Variants in TNIK observed in about 807,000 individuals in gnomAD.
TNIK encodes TRAF2 and NCK-interacting protein kinase.
A neutral mutation model predicts 191.3 loss-of-function variants in TNIK; 49 were observed. The observed-to-expected ratio is 0.26, with a 90% CI of 0.20 to 0.32. The LOEUF (loss-of-function observed/expected upper bound fraction) is 0.32, where lower values mean the gene tolerates loss of function less well. Among genes scored for constraint, TNIK ranks in the 10% least tolerant of loss-of-function variants. The pLI is 1.00. For missense variants in TNIK, 1,155 were observed against 1,702.3 expected (o/e 0.68, Z 5.66); for synonymous variants, 594 against 600.9 (o/e 0.99, Z 0.17).
chr3:171,260,918 A>G (rs1289835825), intron 2 of TNIK, among the ~76,000 whole-genome samples: 11 of 152,216 alleles, frequency 7.2e-5, no homozygotes, highest in Non-Finnish European at 2.9e-5. Context: ...TTACCGAAAT[A>G]TTGCAAATTT....
intron 15 of TNIK, among the ~76,000 whole-genome samples, chr3:171,134,200 T>C (rs576468139): frequency 6.6e-6 from 1 of 152,352 alleles, no homozygotes; most frequent in African/African-American, 2.4e-5. Flanking sequence ...ATCATACTGA[T>C]ATTTTCACAG....
intron 18 of TNIK, among the ~76,000 whole-genome samples, chr3:171,118,961 C>A (rs1727217447): frequency 6.6e-6 from 1 of 152,182 alleles, no homozygotes; most frequent in African/African-American, 2.4e-5. Flanking sequence ...AACTAAAGAG[C>A]TTCTGCACAG....
At chr3:171,137,542 C>A (rs1291572439) in intron 15 of TNIK, among the ~76,000 whole-genome samples, 1 of 152,144 alleles carries the variant, frequency 6.6e-6, no homozygotes, top group East Asian at 1.9e-4. Context: ...CTGGCTATCA[C>A]CCTTTTTTCC....
chr3:171,273,297 T>A (rs1028504527), intron 2 of TNIK, among the ~76,000 whole-genome samples: 1 of 152,224 alleles, frequency 6.6e-6, no homozygotes, highest in African/African-American at 2.4e-5. Flanking sequence ...AGCCATAGTC[T>A]TGGGCCATGG....
chr3:171,250,480 T>G (rs975143321), intron 2 of TNIK, among the ~76,000 whole-genome samples: 1 of 152,152 alleles, frequency 6.6e-6, no homozygotes, highest in Non-Finnish European at 1.5e-5. Context: ...CTGATAGACT[T>G]AAAAAATTAG....
chr3:171,336,778 T>C (rs897740210), intron 2 of TNIK, among the ~76,000 whole-genome samples: 22 of 152,306 alleles, frequency 1.4e-4, no homozygotes, highest in Non-Finnish European at 2.4e-4. Context: ...CCAGTTCCAA[T>C]TGTGATACCA....
chr3:171,316,340 C>T (rs1303399863), intron 2 of TNIK, among the ~76,000 whole-genome samples: 1 of 151,902 alleles, frequency 6.6e-6, no homozygotes, highest in Non-Finnish European at 1.5e-5. Context: ...ACACAATAGG[C>T]CAACAAGGAG....
Position 171,128,600 on chromosome 3 carries a change from A to T in TNIK, c.1773+114T>A, listed in dbSNP as rs1576904082. The T allele has an allele frequency of 4.6e-6, 6 of 1,294,020 alleles. No individual in the cohort carries two copies. In the East Asian group the frequency reaches 1.3e-4, roughly 27 times the overall value. 80.2% of individuals were successfully genotyped at this position (1,294,020 alleles called of 1,614,324 possible). A position where few individuals can be genotyped will look rare whatever the true frequency, so the allele number is the denominator to read the frequency against. On this transcript the variant is annotated intron_variant, in intron 16 of 32. Coordinates refer to ENST00000436636, the MANE Select transcript of TNIK (RefSeq NM_015028.4). ...CTATTTTACTATAAATTCTATATTA[A>T]GGGTCATAATTTGATCCTGTGCCTG...
rs375114607 is a variant in TNIK at position 171,177,354 on chromosome 3, G to A, written c.666C>T (p.Thr222=). The change falls in exon 8 of 33, where the codon ACC becomes ACT. Residue 222 remains threonine (T), a synonymous_variant. Coordinates refer to ENST00000436636, the MANE Select transcript of TNIK (RefSeq NM_015028.4). ...GAGCACCTTCTGCCATTTCAATGGC[G>A]GTGATACCCAAAGACCACAAGTCAC... ...FKSDLWSLGI[T]AIEMAEGAPP... 3.5e-5 allele frequency: 57 copies of A among 1,607,204 alleles called. No individual in the cohort carries two copies. The highest frequency in any genetic ancestry group is 1.8e-4 in the East Asian group (8 of 44,714).
At chr3:171,227,690 TTAGA>T (rs1743119294) in intron 3 of TNIK, among the ~76,000 whole-genome samples, 1 of 152,164 alleles carries the variant, frequency 6.6e-6, no homozygotes. Context: ...GGGAAAGATA[TTAGA>T]TATTTAGGGA....
chr3:171,179,590 T>C (rs1159757347), intron 7 of TNIK, among the ~76,000 whole-genome samples: 1 of 152,146 alleles, frequency 6.6e-6, no homozygotes, highest in Admixed American at 6.5e-5. Context: ...TAGCTGGGAC[T>C]ACAGGTGCCT....
At chr3:171,068,799 G>T in intron 30 of TNIK, 49 bp downstream of exon 30, 1 of 1,536,198 alleles carries the variant, frequency 6.5e-7, no homozygotes, top group Non-Finnish European at 8.8e-7. Context: ...CTTTCTACAT[G>T]CAGGCTGTTG....
At chr3:171,107,241 CAGA>C (rs1725041600) in intron 20 of TNIK, 35 bp from the exon 21 acceptor site, 3 of 1,601,956 alleles carry the variant, frequency 1.9e-6, no homozygotes, top group Non-Finnish European at 2.6e-6. Flanking sequence ...GAAGAATCCA[CAGA>C]AGGAGGAAAA....
At chr3:171,251,012 AC>A (rs928017230) in intron 2 of TNIK, among the ~76,000 whole-genome samples, 2 of 152,228 alleles carry the variant, frequency 1.3e-5, no homozygotes, top group African/African-American at 4.8e-5. Flanking sequence ...TGTTTGAGTG[AC>A]CAAAGAATGA....
chr3:171,188,631 G>C, intron 7 of TNIK, 71 bp downstream of exon 7: 1 of 1,556,136 alleles, frequency 6.4e-7, no homozygotes, highest in Non-Finnish European at 8.7e-7. Context: ...AAATATAAGG[G>C]CATGTAAGAC....
At chr3:171,329,254 T>C (rs1756147575) in intron 2 of TNIK, among the ~76,000 whole-genome samples, 1 of 152,206 alleles carries the variant, frequency 6.6e-6, no homozygotes, top group African/African-American at 2.4e-5. Context: ...TTATTATCAT[T>C]TTAAAAAATT....
intron 18 of TNIK, among the ~76,000 whole-genome samples, chr3:171,120,973 C>T (rs1031446122): frequency 3.3e-5 from 5 of 152,172 alleles, no homozygotes; most frequent in African/African-American, 9.7e-5. Flanking sequence ...GGGCCACATG[C>T]AGCTTCAGTA....
chr3:171,390,336 T>C (rs1297602436), intron 1 of TNIK, among the ~76,000 whole-genome samples: 1 of 152,198 alleles, frequency 6.6e-6, no homozygotes, highest in Non-Finnish European at 1.5e-5. Flanking sequence ...CACACCGTGT[T>C]TGAATGCAGC....
chr3:171,157,821 A>C (rs954603369), intron 11 of TNIK, among the ~76,000 whole-genome samples, 157 bp from the exon 12 acceptor site: 1 of 152,120 alleles, frequency 6.6e-6, no homozygotes, highest in African/African-American at 2.4e-5. Context: ...CATTCACCCC[A>C]AAGAAACAGC....
Sources: allele counts gnomAD v4.1 joint callset (sites outside exome capture counted in the v4.1 genomes callset), GRCh38; gene constraint gnomAD v4.1.1; transcripts MANE v1.5; gene names NCBI Gene and HGNC (gene_info 2026-07-23, HGNC 2026-07-21).